Variants in HJURP observed in about 807,000 individuals in gnomAD.
The protein encoded by HJURP is 14-3-3-associated AKT substrate.
In HJURP, 49 loss-of-function variants were observed where a neutral mutation model predicts 72.0. The observed-to-expected ratio is 0.68, with a 90% CI of 0.54 to 0.86. HJURP has a LOEUF of 0.86. HJURP is among the 40% of genes least tolerant of loss of function. HJURP has a pLI of 0.00. For synonymous variants in HJURP, 357 were observed against 347.1 expected, an observed-to-expected ratio of 1.03 and a Z score of -0.32; for missense variants, 908 against 936.3, an observed-to-expected ratio of 0.97 and a Z score of 0.39.
At chr2:233,851,371 A>T (rs1365296000) in intron 3 of HJURP, among the ~76,000 whole-genome samples, 1 of 152,128 alleles carries the variant, frequency 6.6e-6, no homozygotes, top group East Asian at 1.9e-4. Context: ...TGCCACGTAC[A>T]CTCATTTACA....
Position 233,841,732 on chromosome 2 carries a change from T to A in HJURP, c.1048A>T (p.Lys350Ter), listed in dbSNP as rs779139427. The A allele has an allele frequency of 3.7e-6, 6 of 1,614,100 alleles. No homozygotes were observed. Among genetic ancestry groups the A allele is most frequent in the Non-Finnish European group, 5.1e-6 (6 of 1,180,046 alleles). ...CKNVLDVSCR[K>*]TGLKLEKAFL... ...GCTTTTTCCAATTTTAAACCTGTCT[T>A]ACGGCAAGAAACATCTAATACGTTC... is the stretch of plus-strand genomic sequence containing the variant. Residue 350 changes from lysine (K) to a stop codon, truncating the protein, a stop_gained, in exon 8 of 9, where the codon AAG (lysine) becomes TAG (stop). Transcript: ENST00000411486. LOFTEE classifies it high-confidence loss of function.
intron 5 of HJURP, 115 bp from the exon 6 acceptor site, chr2:233,845,935 C>A: frequency 1.5e-6 from 1 of 673,052 alleles, no homozygotes; most frequent in South Asian, 1.9e-5. Context: ...TGATCCTACT[C>A]AAAGTCACTT....
chr2:233,844,341 G>A, intron 6 of HJURP, 58 bp from the exon 7 acceptor site: 1 of 1,321,140 alleles, frequency 7.6e-7, no homozygotes, highest in Non-Finnish European at 1.1e-6. Context: ...CTGGGTGCAA[G>A]GAGCTGGGTT....
chr2:233,838,749 G>A (rs1400818742), intron 8 of HJURP, among the ~76,000 whole-genome samples: 1 of 152,192 alleles, frequency 6.6e-6, no homozygotes, highest in Non-Finnish European at 1.5e-5. Context: ...GAGGTCATCT[G>A]TTAAACAGAA....
At position 233,837,723 on chromosome 2, in the gene HJURP, G is replaced by A. The variant is rs994901828; in HGVS notation, c.2172-71C>T. On this transcript the variant is annotated intron_variant, in intron 8 of 8. Coordinates refer to ENST00000411486, the MANE Select transcript of HJURP (RefSeq NM_018410.5). ...GAATTCCCAATGCCAGCCACTAAAA[G>A]GTTAACTGTTTTCTACTTATTCCAT... is the stretch of plus-strand genomic sequence containing the variant. The A allele has an allele frequency of 4.8e-5, 47 of 969,676 alleles. No individual in the cohort carries two copies. The African/African-American group carries it at 7.4e-4, about 15-fold the overall frequency. 60.1% of individuals were successfully genotyped at this position (969,676 alleles called of 1,614,324 possible).
At position 233,840,656 on chromosome 2, in the gene HJURP, G is replaced by A; in HGVS notation, c.2124C>T (p.Val708=). The A allele has an allele frequency of 6.2e-7, 1 of 1,611,878 alleles. No individual in the cohort carries two copies. The highest frequency in any genetic ancestry group is 1.1e-5 in the South Asian group (1 of 90,638). Residue 708 remains valine (V), a synonymous_variant, in exon 8 of 9, where the codon GTC becomes GTT. Coordinates refer to ENST00000411486, the MANE Select transcript of HJURP (RefSeq NM_018410.5). ...LGASDGVDNT[V]RPGDQGSSSQ... The stretch of plus-strand genomic sequence containing the variant: ...AAGAGCTGCCCTGGTCTCCCGGTCT[G>A]ACGGTGTTGTCCACCCCATCTGAGG...
Position 233,837,533 on chromosome 2 carries a change from C to CA in HJURP, c.*43dup. On this transcript the variant is annotated 3_prime_UTR_variant, in exon 9 of 9. Transcript: ENST00000411486. Reference sequence around the variant, plus strand: ...ATCAAAAACAAAACAAAAATACAAACAGAGAGCAAGTGGGAAGATAAATAA... The same window carrying CA: ...ATCAAAAACAAAACAAAAATACAAACAAGAGAGCAAGTGGGAAGATAAATAA... 7.5e-7 allele frequency: 1 copy of CA among 1,328,742 alleles called. No individual in the cohort carries two copies. Among genetic ancestry groups the CA allele is most frequent in the Non-Finnish European group, 1.1e-6 (1 of 925,976 alleles). 82.3% of individuals were successfully genotyped at this position (1,328,742 alleles called of 1,614,324 possible).
At position 233,838,761 on chromosome 2, in the gene HJURP, G is replaced by A. The variant is rs11563232; in HGVS notation, c.2172-1109C>T. Among the ~76,000 whole-genome samples the A allele has an allele frequency of 5.6e-3, 859 of 152,264 alleles. 3 individuals are homozygous for A. The highest frequency in any genetic ancestry group is 9.7e-3 in the Non-Finnish European group (661 of 68,016). ...TGAGAGGTCATCTGTTAAACAGAAC[G>A]CATAAACTTTGCCTCAAAGCAGCCT... On this transcript the variant is annotated intron_variant, in intron 8 of 8. Coordinates refer to ENST00000411486, the MANE Select transcript of HJURP (RefSeq NM_018410.5).
intron 3 of HJURP, 152 bp downstream of exon 3, chr2:233,852,413 A>C: frequency 1.6e-6 from 1 of 606,914 alleles, no homozygotes; most frequent in Non-Finnish European, 2.9e-6. Context: ...AATGCTTCTA[A>C]ATCCTTAAAA....
At chr2:233,845,235 T>C (rs1705334170) in intron 6 of HJURP, among the ~76,000 whole-genome samples, 1 of 151,764 alleles carries the variant, frequency 6.6e-6, no homozygotes, top group South Asian at 2.1e-4. Context: ...CACTGCAACC[T>C]CCGCCTCCTG....
chr2:233,837,924 C>T (rs927313053), intron 8 of HJURP, among the ~76,000 whole-genome samples: 2 of 152,206 alleles, frequency 1.3e-5, no homozygotes, highest in African/African-American at 2.4e-5. Flanking sequence ...CGCTGCTGCA[C>T]GAGTGAATTT....
chr2:233,843,669 C>G (rs952468181), intron 7 of HJURP, among the ~76,000 whole-genome samples: 2 of 152,068 alleles, frequency 1.3e-5, no homozygotes, highest in African/African-American at 4.8e-5. Flanking sequence ...TGAGTGGGTC[C>G]GGAAACGATC....
rs1705101532 is a variant in HJURP at position 233,837,337 on chromosome 2, C to A, written c.*240G>T. ...ACAAATAACCCCCCCCCAAAAAAAA[C>A]ACACACATCAGAAAAACAGGCCTAT... On this transcript the variant is annotated 3_prime_UTR_variant, in exon 9 of 9. Transcript: ENST00000411486. 17 of 300,592 alleles carry A rather than the reference C, an allele frequency of 5.7e-5. No homozygotes were observed. Among genetic ancestry groups the A allele is most frequent in the South Asian group, 2.2e-4 (4 of 18,044 alleles). 18.6% of individuals were successfully genotyped at this position (300,592 alleles called of 1,614,324 possible). A position where few individuals can be genotyped will look rare whatever the true frequency, so the allele number is the denominator to read the frequency against.
intron 8 of HJURP, 86 bp from the exon 9 acceptor site, chr2:233,837,738 A>C (rs1281340292): frequency 4.9e-6 from 4 of 821,520 alleles, no homozygotes; most frequent in Non-Finnish European, 8.0e-6. Flanking sequence ...ACTGTTTTCT[A>C]CTTATTCCAT....
chr2:233,842,752 G>C (rs1178894968), intron 7 of HJURP, among the ~76,000 whole-genome samples: 1 of 152,216 alleles, frequency 6.6e-6, no homozygotes, highest in Non-Finnish European at 1.5e-5. Flanking sequence ...AGAGCTGCTT[G>C]GAAATTTTCA....
Position 233,840,860 on chromosome 2 carries a change from T to C in HJURP, c.1920A>G (p.Pro640=), listed in dbSNP as rs757051277. 4.3e-6 allele frequency: 7 copies of C among 1,614,038 alleles called. No homozygotes were observed. Among genetic ancestry groups the C allele is most frequent in the Non-Finnish European group, 5.9e-6 (7 of 1,180,048 alleles). Residue 640 remains proline (P), a synonymous_variant, in exon 8 of 9, where the codon CCA becomes CCG. Coordinates refer to ENST00000411486, the MANE Select transcript of HJURP (RefSeq NM_018410.5). The part of the protein sequence containing the change: ...DPHFQGFQKL[P]SSPLGCRKSL... ...TTTTTCTGCACCCCAGGGGTGATGA[T>C]GGCAACTTCTGGAAACCCTGGAAGT...
intron 7 of HJURP, among the ~76,000 whole-genome samples, chr2:233,843,909 C>T (rs1013421425): frequency 3.9e-5 from 6 of 152,148 alleles, no homozygotes; most frequent in Admixed American, 1.3e-4. Context: ...GATATGACAA[C>T]ATGTTAATTG....
At position 233,841,220 on chromosome 2, in the gene HJURP, T is replaced by C; in HGVS notation, c.1560A>G (p.Ser520=). The C allele has an allele frequency of 6.2e-7, 1 of 1,614,186 alleles. No homozygotes were observed. Among genetic ancestry groups the C allele is most frequent in the Non-Finnish European group, 8.5e-7 (1 of 1,180,004 alleles). Residue 520 remains serine (S), a synonymous_variant, in exon 8 of 9, where the codon TCA becomes TCG. Coordinates refer to ENST00000411486, the MANE Select transcript of HJURP (RefSeq NM_018410.5). ...EAGRCLPKSD[S]SSSLPKTNPT... ...GGTTGGTCTTTGGAAGTGATGAAGA[T>C]GAATCGCTCTTGGGCAGGCACCTAC... is the stretch of plus-strand genomic sequence containing the variant.
rs979252340 is a variant in HJURP at position 233,837,574 on chromosome 2, T to C, written c.*3A>G. 2.5e-6 allele frequency: 4 copies of C among 1,592,286 alleles called. No homozygotes were observed. Among genetic ancestry groups the C allele is most frequent in the Non-Finnish European group, 3.4e-6 (4 of 1,161,432 alleles). ...AGATAAATAACACTCCGAAATAACCTAGCTACACACTTTTAGTTTCCAATT... is the reference window on the plus strand; with the variant it reads ...AGATAAATAACACTCCGAAATAACCCAGCTACACACTTTTAGTTTCCAATT... On this transcript the variant is annotated 3_prime_UTR_variant, in exon 9 of 9. Coordinates refer to ENST00000411486, the MANE Select transcript of HJURP (RefSeq NM_018410.5).
Sources: allele counts gnomAD v4.1 joint callset (sites outside exome capture counted in the v4.1 genomes callset), GRCh38; gene constraint gnomAD v4.1.1; transcripts MANE v1.5; gene names NCBI Gene and HGNC (gene_info 2026-07-23, HGNC 2026-07-21).